COP1: variants seen among roughly 807,000 people sequenced by gnomAD.
COP1 encodes COP1 E3 ubiquitin ligase, also known as E3 ubiquitin-protein ligase COP1.
In COP1, 24 loss-of-function variants were observed where a neutral mutation model predicts 101.3. That is an observed-to-expected ratio of 0.24 (90% CI 0.17 to 0.33). The LOEUF is 0.33. Among genes scored for constraint, COP1 ranks in the 10% least tolerant of loss-of-function variants. The pLI, the probability that COP1 is intolerant of heterozygous loss-of-function variation, is 1.00. For synonymous variants in COP1, 347 were observed against 341.9 expected (o/e 1.01, Z -0.17); for missense variants, 663 against 906.2 (o/e 0.73, Z 3.45).
intron 3 of COP1, among the ~76,000 whole-genome samples, chr1:176,166,757 A>G (rs1695215397): frequency 6.6e-6 from 1 of 152,080 alleles, no homozygotes; most frequent in African/African-American, 2.4e-5. Context: ...GTAACATAGC[A>G]AAACCCCGTC....
chr1:176,116,324 C>A lies in COP1; in HGVS notation c.1026+300G>T, dbSNP rs530821721. Among the ~76,000 whole-genome samples, 3 of 152,250 alleles carry A rather than the reference C, an allele frequency of 2.0e-5. No homozygotes were observed. The South Asian group carries it at 6.2e-4, about 32-fold the overall frequency. ...TGAGCCTAGGAGGTCAAGGCTACAG[C>A]ATTCCAGCCTGCGTGACAGAGTGTC... On this transcript the variant is annotated intron_variant, in intron 9 of 19. Transcript: ENST00000367669.
chr1:176,116,617 C>T lies in COP1; in HGVS notation c.1026+7G>A, dbSNP rs764776261. 1.6e-5 allele frequency: 26 copies of T among 1,597,392 alleles called. No individual in the cohort carries two copies. The highest frequency in any genetic ancestry group is 3.4e-5 in the Admixed American group (2 of 59,616). ...GTATCATTAAAGCAAACAAAGATATCGTTTACCTGAGAACTGCCACTGAAA... is the reference window on the plus strand; with the variant it reads ...GTATCATTAAAGCAAACAAAGATATTGTTTACCTGAGAACTGCCACTGAAA... On this transcript the variant is annotated splice_region_variant and intron_variant, in intron 9 of 19. Transcript: ENST00000367669.
intron 5 of COP1, 85 bp downstream of exon 5, chr1:176,162,784 C>A: frequency 8.5e-7 from 1 of 1,171,950 alleles, no homozygotes; most frequent in East Asian, 2.4e-5. Flanking sequence ...GTGAAGCTAT[C>A]CTATTATTTT....
At chr1:176,093,436 T>C (rs1304747063) in intron 9 of COP1, among the ~76,000 whole-genome samples, 2 of 152,150 alleles carry the variant, frequency 1.3e-5, no homozygotes, top group Admixed American at 1.3e-4. Context: ...TGGCTGGGCA[T>C]GGTGGCTCAT....
chr1:176,043,934 A>G, intron 12 of COP1, 116 bp from the exon 13 acceptor site: 1 of 663,366 alleles, frequency 1.5e-6, no homozygotes, highest in Non-Finnish European at 2.7e-6. Flanking sequence ...CTATCAGTTC[A>G]CAATCATTAT....
Position 175,988,372 on chromosome 1 carries a change from G to A in COP1, c.1888C>T (p.Pro630Ser). 6.2e-7 allele frequency: 1 copy of A among 1,610,186 alleles called. No individual in the cohort carries two copies. The highest frequency in any genetic ancestry group is 8.5e-7 in the Non-Finnish European group (1 of 1,177,130). ...SQLKLWNVGK[P>S]YCLRSFKGHI... ...CCCTTGAAGGAACGTAGGCAGTATG[G>A]TTTCCCTACATTCCACAGTTTTAGC... Residue 630 changes from proline (P) to serine (S), a missense_variant, in exon 17 of 20, where the codon CCA becomes TCA. By Grantham distance (74) the Pro-to-Ser change is moderately conservative. Around this residue, in one of 4 missense-constraint regions of COP1, gnomAD observed 209 missense variants for 383.3 expected, o/e 0.55. Transcript: ENST00000367669.
intron 9 of COP1, among the ~76,000 whole-genome samples, chr1:176,094,219 CT>C (rs1252265452): frequency 1.5e-4 from 23 of 151,974 alleles, no homozygotes; most frequent in Non-Finnish European, 2.8e-4. Flanking sequence ...AATTATTTTC[CT>C]GTATTTATTC....
At chr1:176,029,702 A>G (rs1325109553) in intron 14 of COP1, among the ~76,000 whole-genome samples, 4 of 152,210 alleles carry the variant, frequency 2.6e-5, no homozygotes, top group African/African-American at 4.8e-5. Flanking sequence ...GAAGCATAGT[A>G]AAAAATCTTA....
chr1:176,101,979 G>A (rs1204193754), intron 9 of COP1, among the ~76,000 whole-genome samples: 1 of 152,182 alleles, frequency 6.6e-6, no homozygotes, highest in Non-Finnish European at 1.5e-5. Context: ...AGGAAGCCAA[G>A]TGTCCCCAGG....
chr1:176,203,867 C>T (rs1217019073), intron 1 of COP1, among the ~76,000 whole-genome samples: 1 of 152,124 alleles, frequency 6.6e-6, no homozygotes, highest in African/African-American at 2.4e-5. Flanking sequence ...TTTAAATCAA[C>T]AGTTCTCAAG....
intron 7 of COP1, among the ~76,000 whole-genome samples, chr1:176,135,704 C>T (rs944147149): frequency 1.3e-5 from 2 of 151,898 alleles, no homozygotes; most frequent in African/African-American, 2.4e-5. Context: ...ACCTAGCTTC[C>T]TTTTTTATGT....
chr1:176,159,503 G>A (rs944588259), intron 5 of COP1, among the ~76,000 whole-genome samples: 8 of 152,066 alleles, frequency 5.3e-5, no homozygotes, highest in Non-Finnish European at 1.0e-4. Context: ...ACCCTAATGC[G>A]AGCACAAGGA....
At chr1:175,991,342 A>T (rs1349717991) in intron 15 of COP1, among the ~76,000 whole-genome samples, 1 of 152,186 alleles carries the variant, frequency 6.6e-6, no homozygotes, top group Non-Finnish European at 1.5e-5. Context: ...ATATTTACGT[A>T]TCTAAATATA....
intron 9 of COP1, among the ~76,000 whole-genome samples, chr1:176,095,173 A>G (rs2149473711): frequency 6.6e-6 from 1 of 152,340 alleles, no homozygotes; most frequent in Middle Eastern, 3.4e-3. Context: ...AAGTTCAAGG[A>G]ATACATACAA....
intron 15 of COP1, among the ~76,000 whole-genome samples, chr1:176,002,882 T>C (rs925456607): frequency 6.6e-6 from 1 of 151,612 alleles, no homozygotes; most frequent in African/African-American, 2.4e-5. Flanking sequence ...AGTAATGGGA[T>C]GGCTGGGTCA....
chr1:176,046,329 G>T lies in COP1; in HGVS notation c.1278-5C>A. 1 of 1,603,596 alleles carries T rather than the reference G, an allele frequency of 6.2e-7. No homozygotes were observed. The highest frequency in any genetic ancestry group is 1.1e-5 in the South Asian group (1 of 88,370). ...CAATCCCGGTCAAATTCAATACTAA[G>T]GGGAAAAAGTATGTAATGACAACAT... On this transcript the variant is annotated splice_polypyrimidine_tract_variant and splice_region_variant and intron_variant, in intron 11 of 19. Transcript: ENST00000367669.
chr1:176,086,571 T>C (rs752385340), intron 9 of COP1, among the ~76,000 whole-genome samples: 3 of 152,170 alleles, frequency 2.0e-5, no homozygotes, highest in South Asian at 2.1e-4. Context: ...AAAATAATTA[T>C]CAAATAGAAA....
At chr1:176,036,737 G>A (rs1468176454) in intron 14 of COP1, among the ~76,000 whole-genome samples, 3 of 152,078 alleles carry the variant, frequency 2.0e-5, no homozygotes, top group African/African-American at 4.8e-5. Context: ...ACATTGTATT[G>A]TAAAAGTCTT....
chr1:176,134,894 A>C, intron 8 of COP1, 116 bp downstream of exon 8: 1 of 664,828 alleles, frequency 1.5e-6, no homozygotes, highest in African/African-American at 1.8e-5. Flanking sequence ...CTAGATCATG[A>C]CCAAAGTAAT....
Sources: allele counts gnomAD v4.1 joint callset (sites outside exome capture counted in the v4.1 genomes callset), GRCh38; gene constraint gnomAD v4.1.1; regional missense constraint gnomAD v4.1.1; transcripts MANE v1.5; gene names NCBI Gene and HGNC (gene_info 2026-07-23, HGNC 2026-07-21).